Variants in STXBP4 observed in about 807,000 individuals in gnomAD.
The protein encoded by STXBP4 is syntaxin-binding protein 4.
Under a neutral mutation model 76.1 loss-of-function variants are expected in STXBP4, and 55 were observed. The ratio of observed to expected loss-of-function variants is 0.72; its 90% CI spans 0.58 to 0.91. STXBP4 has a LOEUF of 0.91. Ranked by LOEUF, STXBP4 falls within the 40% of genes least tolerant of loss-of-function variation. The pLI is 0.00. For synonymous variants in STXBP4, 201 were observed against 220.2 expected (o/e 0.91, Z 0.77); for missense variants, 618 against 636.9 (o/e 0.97, Z 0.32).
intron 12 of STXBP4, among the ~76,000 whole-genome samples, chr17:55,055,114 A>G (rs886378627): frequency 1.2e-4 from 19 of 152,310 alleles, no homozygotes; most frequent in Middle Eastern, 3.4e-3. Context: ...TCAGGAATCT[A>G]ATTTTGAATA....
chr17:55,184,222 A>G, the STXBP4 span, among the ~76,000 whole-genome samples: 71 of 152,132 alleles, frequency 4.7e-4, no homozygotes, highest in African/African-American at 1.5e-3. Flanking sequence ...TATTGAAAAG[A>G]GGTTGTAGAG....
intron 10 of STXBP4, 144 bp downstream of exon 10, chr17:55,034,403 A>T: frequency 3.9e-6 from 2 of 515,378 alleles, no homozygotes; most frequent in Non-Finnish European, 6.4e-6. Context: ...ATCAATTTAA[A>T]ATCAAAAGTA....
intron 8 of STXBP4, among the ~76,000 whole-genome samples, chr17:55,013,035 G>A (rs1165017138): frequency 6.6e-6 from 1 of 152,210 alleles, no homozygotes; most frequent in East Asian, 1.9e-4. Flanking sequence ...TCCTTTAGCA[G>A]TGAGTATGCT....
At chr17:55,178,634 C>T in the STXBP4 span, among the ~76,000 whole-genome samples, 1 of 152,144 alleles carries the variant, frequency 6.6e-6, no homozygotes, top group Non-Finnish European at 1.5e-5. Flanking sequence ...GGAATTGGTT[C>T]ACATGATTAA....
At chr17:55,138,941 C>G (rs1367652653) in intron 16 of STXBP4, among the ~76,000 whole-genome samples, 1 of 152,008 alleles carries the variant, frequency 6.6e-6, no homozygotes, top group Non-Finnish European at 1.5e-5. Context: ...CTAGGTCTGT[C>G]TTTTATATAA....
intron 17 of STXBP4, among the ~76,000 whole-genome samples, chr17:55,155,676 G>A (rs187239726): frequency 3.3e-5 from 5 of 152,080 alleles, no homozygotes; most frequent in Admixed American, 6.5e-5. Context: ...CATCACAGAC[G>A]GTTATAAGAA....
intron 16 of STXBP4, among the ~76,000 whole-genome samples, chr17:55,103,658 A>G (rs1245105457): frequency 2.1e-5 from 3 of 145,990 alleles, no homozygotes; most frequent in Admixed American, 1.4e-4. Flanking sequence ...GTTTTTTTCT[A>G]ATTCTGTGAA....
chr17:55,092,856 C>T (rs990368827), intron 16 of STXBP4, among the ~76,000 whole-genome samples: 8 of 152,168 alleles, frequency 5.3e-5, no homozygotes, highest in Admixed American at 4.6e-4. Flanking sequence ...CTTGATATGG[C>T]GTCTTCTCAT....
At chr17:55,087,115 G>GT (rs757669979) in intron 16 of STXBP4, among the ~76,000 whole-genome samples, 3 of 152,112 alleles carry the variant, frequency 2.0e-5, no homozygotes, top group Non-Finnish European at 4.4e-5. Context: ...AGATTGATTG[G>GT]TTTTTTGCTG....
At chr17:54,979,093 A>G (rs917145589) in intron 1 of STXBP4, among the ~76,000 whole-genome samples, 4 of 152,200 alleles carry the variant, frequency 2.6e-5, no homozygotes, top group African/African-American at 4.8e-5. Context: ...GCCAACCACA[A>G]AGTATTAAAA....
intron 11 of STXBP4, chr17:55,044,787 G>A (rs894466077): frequency 3.3e-5 from 5 of 151,720 alleles, no homozygotes; most frequent in African/African-American, 9.7e-5. Context: ...TTTCCAGTAT[G>A]TGTGTATTTT....
intron 13 of STXBP4, 90 bp downstream of exon 13, chr17:55,073,166 A>G (rs2079143065): frequency 1.7e-6 from 2 of 1,186,366 alleles, no homozygotes; most frequent in Non-Finnish European, 2.5e-6. Flanking sequence ...CTGCACTTCT[A>G]AACTAGGTCA....
intron 3 of STXBP4, among the ~76,000 whole-genome samples, chr17:54,989,184 A>C (rs28394892): frequency 6.6e-6 from 1 of 151,992 alleles, no homozygotes; most frequent in African/African-American, 2.4e-5. Flanking sequence ...CTTGGCTCAC[A>C]GCAAGCTCTG....
At chr17:55,087,251 GC>G (rs1310797891) in intron 16 of STXBP4, among the ~76,000 whole-genome samples, 1 of 152,120 alleles carries the variant, frequency 6.6e-6, no homozygotes, top group Non-Finnish European at 1.5e-5. Flanking sequence ...TGTTACCTTT[GC>G]TGTGCAGAAG....
rs1422812074 is a variant in STXBP4 at position 55,062,499 on chromosome 17, A to G, written c.1012-10401A>G. 2.0e-5 allele frequency among the ~76,000 whole-genome samples: 3 copies of G among 152,136 alleles called. No homozygotes were observed. The East Asian group carries it at 5.8e-4, about 29-fold the overall frequency. ...TTTATCCAGTCTATCATTGATGGGCATTTGGGTTGATTCCAAGTCTTTGCT... is the reference window on the plus strand; with the variant it reads ...TTTATCCAGTCTATCATTGATGGGCGTTTGGGTTGATTCCAAGTCTTTGCT... On this transcript the variant is annotated intron_variant, in intron 12 of 17. Coordinates refer to ENST00000376352, the MANE Select transcript of STXBP4 (RefSeq NM_178509.6).
intron 16 of STXBP4, among the ~76,000 whole-genome samples, chr17:55,126,714 G>A (rs933079840): frequency 3.9e-5 from 6 of 152,302 alleles, no homozygotes; most frequent in East Asian, 1.9e-4. Context: ...ATTCTGGTGC[G>A]TGACTGTTGT....
rs1598126430 is a variant in STXBP4 at position 54,968,768 on chromosome 17, T to C, written c.-204T>C. 2.5e-6 allele frequency: 3 copies of C among 1,194,294 alleles called. No individual in the cohort carries two copies. The highest frequency in any genetic ancestry group is 1.5e-5 in the South Asian group (1 of 66,672). 74.0% of individuals were successfully genotyped at this position (1,194,294 alleles called of 1,614,324 possible). A position where few individuals can be genotyped will look rare whatever the true frequency, so the allele number is the denominator to read the frequency against. Reference sequence around the variant, plus strand: ...TGCCTTGGCTACCAGGCTCCTCAGGTGGCAGCGCTTGCAGTCGGGCTACGG... The same window carrying C: ...TGCCTTGGCTACCAGGCTCCTCAGGCGGCAGCGCTTGCAGTCGGGCTACGG... On this transcript the variant is annotated 5_prime_UTR_variant, in exon 1 of 18. Coordinates refer to ENST00000376352, the MANE Select transcript of STXBP4 (RefSeq NM_178509.6).
intron 1 of STXBP4, among the ~76,000 whole-genome samples, chr17:54,974,682 G>C (rs571410883): frequency 5.3e-5 from 8 of 152,218 alleles, no homozygotes; most frequent in Admixed American, 4.6e-4. Flanking sequence ...AGGGTTCTTG[G>C]CTTGGCCTAG....
chr17:55,012,273 C>T (rs2078129302), intron 8 of STXBP4, among the ~76,000 whole-genome samples: 1 of 152,122 alleles, frequency 6.6e-6, no homozygotes, highest in Non-Finnish European at 1.5e-5. Flanking sequence ...GGGGAGGAAA[C>T]TGTGTCCTCA....
Sources: allele counts gnomAD v4.1 joint callset (sites outside exome capture counted in the v4.1 genomes callset), GRCh38; gene constraint gnomAD v4.1.1; transcripts MANE v1.5; gene names NCBI Gene and HGNC (gene_info 2026-07-23, HGNC 2026-07-21).